Variants in PDGFD observed in about 807,000 individuals in gnomAD.
PDGFD encodes platelet derived growth factor D.
PDGFD carries 30 observed loss-of-function variants against 44.7 expected under a neutral mutation model. That is an observed-to-expected ratio of 0.67 (90% confidence interval 0.50 to 0.91). PDGFD has a LOEUF of 0.91. PDGFD is among the 40% of genes least tolerant of loss of function. PDGFD has a pLI of 0.00. For missense variants in PDGFD, 445 were observed against 457.8 expected (o/e 0.97, Z 0.25); for synonymous variants, 173 against 168.4 (o/e 1.03, Z -0.21).
At chr11:104,161,587 T>A (rs1247999550) in intron 1 of PDGFD, among the ~76,000 whole-genome samples, 1 of 152,208 alleles carries the variant, frequency 6.6e-6, no homozygotes, top group Non-Finnish European at 1.5e-5. Context: ...CTTTTTAGAC[T>A]TCTTTTCTGA....
chr11:104,006,867 T>C (rs1262702794), intron 1 of PDGFD, among the ~76,000 whole-genome samples: 2 of 152,124 alleles, frequency 1.3e-5, no homozygotes, highest in East Asian at 3.9e-4. Context: ...CCCACATTCA[T>C]CCTTCAAGTC....
chr11:103,956,096 T>A (rs2134332730), intron 3 of PDGFD, among the ~76,000 whole-genome samples: 1 of 151,326 alleles, frequency 6.6e-6, no homozygotes, highest in Non-Finnish European at 1.5e-5. Context: ...AGTTTTAAGG[T>A]ACATGTGGAC....
intron 1 of PDGFD, among the ~76,000 whole-genome samples, chr11:104,044,828 G>A (rs1479766757): frequency 2.0e-5 from 3 of 152,154 alleles, no homozygotes; most frequent in Admixed American, 1.3e-4. Flanking sequence ...CACGAGGTCA[G>A]AAGATGGAGA....
chr11:104,060,610 T>C (rs1860698557), intron 1 of PDGFD, among the ~76,000 whole-genome samples: 1 of 152,194 alleles, frequency 6.6e-6, no homozygotes, highest in African/African-American at 2.4e-5. Flanking sequence ...GACATTCCTG[T>C]GTATACTTCT....
chr11:104,028,014 C>T (rs540621442), intron 1 of PDGFD, among the ~76,000 whole-genome samples: 2 of 152,058 alleles, frequency 1.3e-5, no homozygotes, highest in East Asian at 3.9e-4. Context: ...CACAGTGAAA[C>T]TCCGTCTCTA....
intron 1 of PDGFD, among the ~76,000 whole-genome samples, chr11:104,119,608 T>C (rs1245643676): frequency 1.1e-5 from 1 of 94,300 alleles, no homozygotes; most frequent in Middle Eastern, 0.014. Flanking sequence ...AATATATTAA[T>C]ATAATATATT....
chr11:104,105,999 A>G (rs963629474), intron 1 of PDGFD, among the ~76,000 whole-genome samples: 1 of 152,166 alleles, frequency 6.6e-6, no homozygotes, highest in Non-Finnish European at 1.5e-5. Context: ...AAATAAGCAT[A>G]GTGTTTACAA....
chr11:103,962,091 T>C (rs1418161489), intron 3 of PDGFD, among the ~76,000 whole-genome samples: 1 of 152,004 alleles, frequency 6.6e-6, no homozygotes, highest in Non-Finnish European at 1.5e-5. Flanking sequence ...GAAATGAGGG[T>C]GGTGGAAAAA....
chr11:104,067,282 T>C (rs954572638), intron 1 of PDGFD, among the ~76,000 whole-genome samples: 3 of 152,190 alleles, frequency 2.0e-5, no homozygotes, highest in Non-Finnish European at 4.4e-5. Context: ...TTCCCAATTA[T>C]AGTTTGAAAC....
Position 103,947,686 on chromosome 11 carries a change from C to A in PDGFD, c.549G>T (p.Trp183Cys). 1 of 1,613,550 alleles carries A rather than the reference C, an allele frequency of 6.2e-7. No homozygotes were observed. The highest frequency in any genetic ancestry group is 8.5e-7 in the Non-Finnish European group (1 of 1,179,610). The change falls in exon 4 of 7, where the codon TGG becomes TGT. Residue 183 changes from tryptophan (W) to cysteine (C), a missense_variant. By Grantham distance (215) the Trp-to-Cys change is radical. Transcript: ENST00000393158. ...CTGAAATAGAGCTTGTGACAGATTCCCAGTTGGTCTCTGAAGCTGCTGCGG... is the reference window on the plus strand; with the variant it reads ...CTGAAATAGAGCTTGTGACAGATTCACAGTTGGTCTCTGAAGCTGCTGCGG... ...FQPAAASETN[W>C]ESVTSSISGV...
intron 1 of PDGFD, among the ~76,000 whole-genome samples, chr11:104,034,730 C>T (rs1250377206): frequency 6.6e-6 from 1 of 151,924 alleles, no homozygotes; most frequent in African/African-American, 2.4e-5. Flanking sequence ...GCAAGCTCCA[C>T]CTCCAAGGTT....
intron 1 of PDGFD, among the ~76,000 whole-genome samples, chr11:104,018,493 G>A (rs759445764): frequency 2.6e-5 from 4 of 152,124 alleles, no homozygotes; most frequent in Admixed American, 6.5e-5. Flanking sequence ...CTGCAGTTTC[G>A]AAGTCAGAAT....
At chr11:103,989,175 T>G (rs944611212) in intron 3 of PDGFD, among the ~76,000 whole-genome samples, 1 of 152,158 alleles carries the variant, frequency 6.6e-6, no homozygotes, top group African/African-American at 2.4e-5. Context: ...TGTACTGTAT[T>G]TAGGTTTTAG....
intron 3 of PDGFD, among the ~76,000 whole-genome samples, chr11:103,950,205 G>A (rs1024858918): frequency 7.2e-5 from 11 of 151,880 alleles, no homozygotes; most frequent in African/African-American, 2.4e-4. Context: ...TTAAAATCTT[G>A]GAACTGGAAA....
chr11:103,927,421 G>C (rs370014092), intron 5 of PDGFD, among the ~76,000 whole-genome samples: 3 of 152,060 alleles, frequency 2.0e-5, no homozygotes, highest in East Asian at 3.8e-4. Flanking sequence ...AAGTTCAGAG[G>C]AAAGAAAATG....
chr11:103,948,203 GC>G (rs1369964238), intron 3 of PDGFD, among the ~76,000 whole-genome samples: 2 of 152,180 alleles, frequency 1.3e-5, no homozygotes, highest in African/African-American at 4.8e-5. Flanking sequence ...GTTCAATCTT[GC>G]CTGCTGACCT....
intron 3 of PDGFD, among the ~76,000 whole-genome samples, chr11:103,960,865 G>A (rs1248002650): frequency 6.6e-6 from 1 of 150,790 alleles, no homozygotes; most frequent in Non-Finnish European, 1.5e-5. Flanking sequence ...GAGAGAGAGA[G>A]AGATCTTTTC....
chr11:104,008,200 T>C (rs2134372604), intron 1 of PDGFD, among the ~76,000 whole-genome samples: 1 of 152,304 alleles, frequency 6.6e-6, no homozygotes, highest in East Asian at 1.9e-4. Context: ...GGCAGATTCC[T>C]TTCAGGTACA....
At chr11:103,963,059 T>C (rs976201632) in intron 3 of PDGFD, among the ~76,000 whole-genome samples, 3 of 152,134 alleles carry the variant, frequency 2.0e-5, no homozygotes, top group Admixed American at 1.3e-4. Context: ...TATCTGAAAA[T>C]TGAAATAATT....
Sources: allele counts gnomAD v4.1 joint callset (sites outside exome capture counted in the v4.1 genomes callset), GRCh38; gene constraint gnomAD v4.1.1; transcripts MANE v1.5; gene names NCBI Gene and HGNC (gene_info 2026-07-23, HGNC 2026-07-21).